Variants in ARHGAP39 observed in about 807,000 individuals in gnomAD.
ARHGAP39 encodes rho GTPase-activating protein 39.
A neutral mutation model predicts 106.9 loss-of-function variants in ARHGAP39; 44 were observed. The ratio of observed to expected loss-of-function variants is 0.41; its 90% CI spans 0.32 to 0.53. The LOEUF (loss-of-function observed/expected upper bound fraction) is 0.53, where lower values mean the gene tolerates loss of function less well. ARHGAP39 is among the 20% of genes least tolerant of loss of function. ARHGAP39 has a pLI of 0.21. For missense variants in ARHGAP39, 1,496 were observed against 1,577.3 expected (o/e 0.95, Z 0.87); for synonymous variants, 768 against 693.2 (o/e 1.11, Z -1.69).
rs1382550139 is a variant in ARHGAP39 at position 144,671,153 on chromosome 8, C to T, written c.-82+14533G>A. On this transcript the variant is annotated intron_variant, in intron 1 of 11. Coordinates refer to ENST00000377307, the MANE Select transcript of ARHGAP39 (RefSeq NM_025251.3). The surrounding 1 kb of genome is among the most constrained non-coding windows in gnomAD (Gnocchi z 4.5). Reference sequence around the variant, plus strand: ...TGTCAGTTCTCTCTGTGGAATGAGGCCTATGTTGGGTGTCTCACCCATGCC... The same window carrying T: ...TGTCAGTTCTCTCTGTGGAATGAGGTCTATGTTGGGTGTCTCACCCATGCC... Among the ~76,000 whole-genome samples, 1 of 152,216 alleles carries T rather than the reference C, an allele frequency of 6.6e-6. No individual in the cohort carries two copies. The highest frequency in any genetic ancestry group is 1.5e-5 in the Non-Finnish European group (1 of 68,046).
intron 6 of ARHGAP39, among the ~76,000 whole-genome samples, chr8:144,541,896 A>C (rs1817207465): frequency 6.6e-6 from 1 of 151,736 alleles, no homozygotes; most frequent in African/African-American, 2.4e-5. Flanking sequence ...ATGATATGGG[A>C]ATTATATTTT....
chr8:144,674,352 C>T lies in ARHGAP39; in HGVS notation c.-82+11334G>A, dbSNP rs143339080. 4.3e-4 allele frequency among the ~76,000 whole-genome samples: 66 copies of T among 152,284 alleles called. No homozygotes were observed. In the East Asian group the frequency reaches 7.5e-3, roughly 17 times the overall value. On this transcript the variant is annotated intron_variant, in intron 1 of 11. Transcript: ENST00000377307. Reference sequence around the variant, plus strand: ...CCTTTCCGCATACGGGTTGTCTTGACGACTGTTCAGGTCTCAGCAGAGAGG... The same window carrying T: ...CCTTTCCGCATACGGGTTGTCTTGATGACTGTTCAGGTCTCAGCAGAGAGG...
intron 1 of ARHGAP39, among the ~76,000 whole-genome samples, chr8:144,623,912 C>A (rs1487563014): frequency 6.6e-6 from 1 of 152,242 alleles, no homozygotes; most frequent in Non-Finnish European, 1.5e-5. Context: ...AGCTCTGCGC[C>A]CGCATCCCTC....
intron 2 of ARHGAP39, among the ~76,000 whole-genome samples, chr8:144,589,879 G>A (rs1369743998): frequency 6.6e-6 from 1 of 152,230 alleles, no homozygotes; most frequent in African/African-American, 2.4e-5. Flanking sequence ...GCTGTGGGCT[G>A]AGGGGCACAG....
At chr8:144,622,286 A>G (rs1820826561) in intron 1 of ARHGAP39, among the ~76,000 whole-genome samples, 1 of 152,042 alleles carries the variant, frequency 6.6e-6, no homozygotes. Context: ...TCTGGGAGGA[A>G]TCACTTCCAG....
chr8:144,602,476 T>TGGA (rs1820051594), intron 2 of ARHGAP39, among the ~76,000 whole-genome samples: 1 of 121,142 alleles, frequency 8.3e-6, no homozygotes, highest in African/African-American at 3.3e-5. Flanking sequence ...TGCATGTGCG[T>TGGA]GGTGTGTGCG....
chr8:144,559,707 G>T (rs1488637731), intron 3 of ARHGAP39, among the ~76,000 whole-genome samples: 1 of 152,138 alleles, frequency 6.6e-6, no homozygotes, highest in Non-Finnish European at 1.5e-5. Context: ...TTTGGATTTT[G>T]GATTTTTTAG....
intron 1 of ARHGAP39, among the ~76,000 whole-genome samples, chr8:144,609,764 T>C (rs1459009039): frequency 6.6e-6 from 1 of 152,226 alleles, no homozygotes. Context: ...AATTTTTACA[T>C]CCATATTCAT....
At chr8:144,609,946 T>C (rs997546346) in intron 1 of ARHGAP39, among the ~76,000 whole-genome samples, 5 of 152,232 alleles carry the variant, frequency 3.3e-5, no homozygotes. Context: ...TGAAGCCAGA[T>C]GGGCATGTAG....
intron 1 of ARHGAP39, among the ~76,000 whole-genome samples, chr8:144,612,714 G>A (rs1225269146): frequency 1.0e-4 from 13 of 127,716 alleles, no homozygotes; most frequent in Non-Finnish European, 1.7e-4. Flanking sequence ...CCACGGCTGC[G>A]CCGCTGCACT....
At chr8:144,668,887 A>C (rs919269280) in intron 1 of ARHGAP39, among the ~76,000 whole-genome samples, 2 of 152,230 alleles carry the variant, frequency 1.3e-5, no homozygotes, top group South Asian at 2.1e-4. Flanking sequence ...GAAAAAGAAC[A>C]AAATGGGATA....
chr8:144,585,595 G>A lies in ARHGAP39; in HGVS notation c.81-4318C>T, dbSNP rs991181487. On this transcript the variant is annotated intron_variant, in intron 2 of 11. Coordinates refer to ENST00000377307, the MANE Select transcript of ARHGAP39 (RefSeq NM_025251.3). The surrounding 1 kb of genome is among the most constrained non-coding windows in gnomAD (Gnocchi z 4.6). ...ATGACTCCCATCGTTAGAAACACAG[G>A]GACACCAACATGGTGCACCTCGAAC... is the stretch of plus-strand genomic sequence containing the variant. Among the ~76,000 whole-genome samples the A allele has an allele frequency of 6.6e-5, 10 of 152,108 alleles. No homozygotes were observed. Among genetic ancestry groups the A allele is most frequent in the African/African-American group, 2.4e-4 (10 of 41,410 alleles).
At position 144,530,688 on chromosome 8, in the gene ARHGAP39, G is replaced by T; in HGVS notation, c.3150+14C>A. The T allele has an allele frequency of 3.8e-6, 6 of 1,578,532 alleles. No homozygotes were observed. The highest frequency in any genetic ancestry group is 5.2e-6 in the Non-Finnish European group (6 of 1,160,702). Reference sequence around the variant, plus strand: ...GGAGGGGAAAGCAGCGGGGACCCCCGGGGAGGGAAGTACCTGCAGGAAGCG... The same window carrying T: ...GGAGGGGAAAGCAGCGGGGACCCCCTGGGAGGGAAGTACCTGCAGGAAGCG... On this transcript the variant is annotated intron_variant, in intron 11 of 11. Transcript: ENST00000377307.
At chr8:144,534,247 T>C (rs375068012) in intron 7 of ARHGAP39, 45 bp from the exon 8 acceptor site, 2 of 1,606,876 alleles carry the variant, frequency 1.2e-6, no homozygotes, top group Non-Finnish European at 1.7e-6. Context: ...GGTGTGTGGG[T>C]GTGGGGCCAG....
At chr8:144,540,271 C>A (rs958006694) in intron 6 of ARHGAP39, among the ~76,000 whole-genome samples, 7 of 152,138 alleles carry the variant, frequency 4.6e-5, no homozygotes, top group African/African-American at 1.7e-4. Context: ...TGGTTCAGGC[C>A]TGTTGTCCTA....
chr8:144,664,660 C>T (rs771522032), intron 1 of ARHGAP39, among the ~76,000 whole-genome samples: 39 of 152,124 alleles, frequency 2.6e-4, no homozygotes, highest in Non-Finnish European at 3.7e-4. Flanking sequence ...GTTATTCTCG[C>T]GATAGTGAAT....
At chr8:144,635,777 A>G (rs1821158582) in intron 1 of ARHGAP39, among the ~76,000 whole-genome samples, 1 of 150,236 alleles carries the variant, frequency 6.7e-6, no homozygotes, top group Non-Finnish European at 1.5e-5. Context: ...ACTGACTTAC[A>G]GGGTGGCTGA....
upstream of ARHGAP39, among the ~76,000 whole-genome samples, chr8:144,688,843 C>G (rs1822687709): frequency 6.6e-6 from 1 of 152,172 alleles, no homozygotes; most frequent in Admixed American, 6.5e-5. Context: ...TGTTAATAAT[C>G]TTAATTCCAG....
chr8:144,700,112 A>C, the ARHGAP39 span, among the ~76,000 whole-genome samples: 2 of 152,024 alleles, frequency 1.3e-5, no homozygotes, highest in African/African-American at 4.8e-5. This position sits in a 1 kb window ranked among gnomAD's most constrained non-coding sequence, Gnocchi z 5.6. Context: ...TCGTTCTCCT[A>C]CGAAGGCGCG....
Sources: allele counts gnomAD v4.1 joint callset (sites outside exome capture counted in the v4.1 genomes callset), GRCh38; gene constraint gnomAD v4.1.1; non-coding constraint Gnocchi (gnomAD v3.1); transcripts MANE v1.5; gene names NCBI Gene and HGNC (gene_info 2026-07-23, HGNC 2026-07-21).